The following MYZAP variants were observed in gnomAD, a reference collection of about 807,000 sequenced individuals.
The protein encoded by MYZAP is myocardial zonula adherens protein.
A neutral mutation model predicts 69.4 loss-of-function variants in MYZAP; 66 were observed. That is an observed-to-expected ratio of 0.95 (90% CI 0.78 to 1.17). The LOEUF (loss-of-function observed/expected upper bound fraction) is 1.17. Ranked by LOEUF, MYZAP falls within the 50% of genes most tolerant of loss-of-function variation. MYZAP has a pLI of 0.00. For synonymous variants in MYZAP, 256 were observed against 205.9 expected, an observed-to-expected ratio of 1.24 and a Z score of -2.09; for missense variants, 611 against 556.2, an observed-to-expected ratio of 1.10 and a Z score of -0.99.
intron 2 of MYZAP, among the ~76,000 whole-genome samples, chr15:57,608,935 G>C (rs1170465458): frequency 1.3e-5 from 2 of 152,172 alleles, no homozygotes; most frequent in Non-Finnish European, 2.9e-5. Context: ...TGAAGGCTCA[G>C]CTAAAGGCCC....
At position 57,595,746 on chromosome 15, in the gene MYZAP, C is replaced by T. The variant is rs754185928; in HGVS notation, c.75+3637C>T. Among the ~76,000 whole-genome samples the T allele has an allele frequency of 2.6e-5, 4 of 152,146 alleles. No homozygotes were observed. The South Asian group carries it at 6.2e-4, about 24-fold the overall frequency. The stretch of plus-strand genomic sequence containing the variant: ...GGCTGGTGTTGCTGCTATCGTGACC[C>T]GTCACTGGCACAGAGAAAAAACAAA... On this transcript the variant is annotated intron_variant, in intron 1 of 12. Transcript: ENST00000267853.
intron 1 of MYZAP, among the ~76,000 whole-genome samples, chr15:57,597,818 T>C (rs1348160708): frequency 6.6e-6 from 1 of 152,206 alleles, no homozygotes; most frequent in Non-Finnish European, 1.5e-5. Context: ...AGGTCTAATC[T>C]AGATGGGGCA....
At chr15:57,674,808 A>G (rs552630057) in intron 11 of MYZAP, among the ~76,000 whole-genome samples, 160 bp from the exon 12 acceptor site, 23 of 152,328 alleles carry the variant, frequency 1.5e-4, no homozygotes, top group African/African-American at 4.8e-4. Flanking sequence ...CAGTCAATCT[A>G]TTTCTTCAAC....
chr15:57,641,415 T>C (rs2037149490), intron 10 of MYZAP, among the ~76,000 whole-genome samples: 2 of 152,218 alleles, frequency 1.3e-5, no homozygotes, highest in South Asian at 4.1e-4. Flanking sequence ...TACATGTGTA[T>C]ACATATGTAT....
At chr15:57,616,988 T>C (rs1690333) in intron 2 of MYZAP, among the ~76,000 whole-genome samples, 70,351 of 151,258 alleles carry the variant, frequency 0.47, 16,852 homozygotes, top group African/African-American at 0.56. Flanking sequence ...TGAGAGAAGG[T>C]CAGTTTGTCT....
chr15:57,671,388 G>A (rs773166592), intron 11 of MYZAP, among the ~76,000 whole-genome samples: 10 of 151,962 alleles, frequency 6.6e-5, no homozygotes, highest in Non-Finnish European at 1.3e-4. Context: ...ATCCTGTTTG[G>A]GGTTTACTGA....
intron 10 of MYZAP, among the ~76,000 whole-genome samples, chr15:57,660,663 C>T (rs1041759076): frequency 3.9e-5 from 6 of 152,068 alleles, no homozygotes; most frequent in African/African-American, 4.8e-5. Context: ...ATTTAATATA[C>T]AGGATTTTTG....
At chr15:57,620,160 A>C (rs2140391448) in intron 3 of MYZAP, among the ~76,000 whole-genome samples, 1 of 152,212 alleles carries the variant, frequency 6.6e-6, no homozygotes. Context: ...ATTTTCCCAA[A>C]ATGTTTGTAC....
intron 10 of MYZAP, among the ~76,000 whole-genome samples, chr15:57,654,653 C>A (rs2037918317): frequency 6.6e-6 from 1 of 152,186 alleles, no homozygotes; most frequent in African/African-American, 2.4e-5. Context: ...TTGAGTGCTA[C>A]TCACATGACT....
chr15:57,611,253 A>G (rs1366095310), intron 2 of MYZAP, among the ~76,000 whole-genome samples: 1 of 152,172 alleles, frequency 6.6e-6, no homozygotes, highest in Non-Finnish European at 1.5e-5. Flanking sequence ...GCACACAGCT[A>G]GTAGATAGTG....
chr15:57,596,869 A>G (rs1193727178), intron 1 of MYZAP, among the ~76,000 whole-genome samples: 3 of 151,952 alleles, frequency 2.0e-5, no homozygotes, highest in Admixed American at 6.6e-5. Flanking sequence ...TGAAACCTCA[A>G]CCCTCCTTCT....
At chr15:57,647,031 TG>T (rs1473378471) in intron 10 of MYZAP, 1 of 985,312 alleles carries the variant, frequency 1.0e-6, no homozygotes, top group Admixed American at 6.2e-5. Context: ...CTACATAAGC[TG>T]GGAGATGGGG....
At chr15:57,659,263 C>T (rs2038159837) in intron 10 of MYZAP, among the ~76,000 whole-genome samples, 1 of 151,818 alleles carries the variant, frequency 6.6e-6, no homozygotes, top group South Asian at 2.1e-4. Context: ...TTTTTTGTCC[C>T]CTGAAATGAG....
chr15:57,623,167 A>G (rs2035922290), intron 4 of MYZAP, among the ~76,000 whole-genome samples: 1 of 152,224 alleles, frequency 6.6e-6, no homozygotes, highest in Non-Finnish European at 1.5e-5. Context: ...AGACCCGCCA[A>G]AGTGCAAGAG....
chr15:57,615,169 A>G (rs2140370282), intron 2 of MYZAP, among the ~76,000 whole-genome samples: 1 of 152,286 alleles, frequency 6.6e-6, no homozygotes, highest in African/African-American at 2.4e-5. Flanking sequence ...CTTTTTGCCA[A>G]AAAACATTCA....
At chr15:57,660,290 G>A (rs1290781813) in intron 10 of MYZAP, among the ~76,000 whole-genome samples, 3 of 152,110 alleles carry the variant, frequency 2.0e-5, no homozygotes, top group African/African-American at 4.8e-5. Context: ...CATAGGAATA[G>A]TGTCATTTTG....
chr15:57,674,395 G>A (rs2039016309), intron 11 of MYZAP, among the ~76,000 whole-genome samples: 1 of 152,190 alleles, frequency 6.6e-6, no homozygotes. Context: ...TACTTTATAT[G>A]TGTGAGATTC....
chr15:57,592,632 T>G (rs988395299), intron 1 of MYZAP, among the ~76,000 whole-genome samples: 12 of 152,124 alleles, frequency 7.9e-5, no homozygotes, highest in African/African-American at 2.9e-4. Flanking sequence ...GGACTCCGGT[T>G]TATGTAAACC....
chr15:57,596,789 G>T (rs774149609), intron 1 of MYZAP, among the ~76,000 whole-genome samples: 1 of 152,106 alleles, frequency 6.6e-6, no homozygotes, highest in African/African-American at 2.4e-5. Flanking sequence ...TTTCGATGCC[G>T]TTCCTTGCCT....
Sources: allele counts gnomAD v4.1 joint callset (sites outside exome capture counted in the v4.1 genomes callset), GRCh38; gene constraint gnomAD v4.1.1; transcripts MANE v1.5; gene names NCBI Gene and HGNC (gene_info 2026-07-23, HGNC 2026-07-21).